The following COL9A1 variants were observed in gnomAD, a reference collection of about 807,000 sequenced individuals.
COL9A1 encodes collagen alpha-1(IX) chain.
COL9A1 carries 104 observed loss-of-function variants against 142.6 expected under a neutral mutation model. The ratio of observed to expected loss-of-function variants is 0.73; its 90% confidence interval spans 0.62 to 0.86. COL9A1 has a LOEUF of 0.86. Ranked by LOEUF, COL9A1 falls within the 40% of genes least tolerant of loss-of-function variation. The probability of loss-of-function intolerance (pLI) is 0.00; values close to 1 mark genes in which losing one functional copy is unlikely to be tolerated. For missense variants in COL9A1, 1,210 were observed against 1,176.6 expected, an observed-to-expected ratio of 1.03 and a Z score of -0.42; for synonymous variants, 466 against 396.0, an observed-to-expected ratio of 1.18 and a Z score of -2.10.
At position 70,263,240 on chromosome 6, in the gene COL9A1, T is replaced by A; in HGVS notation, c.1395+4A>T. On this transcript the variant is annotated splice_donor_region_variant and intron_variant, in intron 19 of 37. Transcript: ENST00000357250. ...AGTTAAATATTTTTTAAAAAATACT[T>A]TACTGGAGGTCCTTGAGCTCCAACT... is the stretch of plus-strand genomic sequence containing the variant. 6.3e-7 allele frequency: 1 copy of A among 1,599,460 alleles called. No individual in the cohort carries two copies.
chr6:70,267,427 A>G (rs1772098783), intron 17 of COL9A1, among the ~76,000 whole-genome samples: 1 of 149,108 alleles, frequency 6.7e-6, no homozygotes, highest in Non-Finnish European at 1.5e-5. Flanking sequence ...GGTTCAAGCA[A>G]TTCTCTTCTC....
intron 6 of COL9A1, chr6:70,283,338 GAGCACGC>G: frequency 9.4e-7 from 1 of 1,065,424 alleles, no homozygotes; most frequent in Non-Finnish European, 1.3e-6. Context: ...GGCGAGGACT[GAGCACGC>G]AGCTCTGCCT....
chr6:70,220,689 T>G (rs1463713483), intron 37 of COL9A1, among the ~76,000 whole-genome samples: 1 of 152,144 alleles, frequency 6.6e-6, no homozygotes, highest in Non-Finnish European at 1.5e-5. Context: ...ATGTCCACAG[T>G]CCACATCACT....
chr6:70,284,996 C>T (rs550308312), intron 5 of COL9A1, among the ~76,000 whole-genome samples: 20 of 152,316 alleles, frequency 1.3e-4, no homozygotes, highest in African/African-American at 3.1e-4. Context: ...AGAATGAAGT[C>T]TTTCCTTCCT....
At chr6:70,239,393 C>T (rs1434417234) in intron 32 of COL9A1, 107 bp from the exon 33 acceptor site, 11 of 798,116 alleles carry the variant, frequency 1.4e-5, no homozygotes, top group Non-Finnish European at 8.7e-6. Flanking sequence ...AAACCATGAA[C>T]AGATTAACTC....
At chr6:70,281,306 A>G (rs1773146345) in intron 8 of COL9A1, 84 bp downstream of exon 8, 18 of 1,403,004 alleles carry the variant, frequency 1.3e-5, no homozygotes, top group Non-Finnish European at 1.8e-5. Flanking sequence ...CTCTGAAAAA[A>G]AAAAAAACCC....
chr6:70,263,443 A>C, intron 18 of COL9A1, 146 bp from the exon 19 acceptor site: 1 of 613,134 alleles, frequency 1.6e-6, no homozygotes, highest in East Asian at 2.9e-5. Flanking sequence ...TTATATGGGT[A>C]GTCCAAATTA....
chr6:70,270,268 C>T, intron 15 of COL9A1, 46 bp downstream of exon 15: 1 of 1,580,600 alleles, frequency 6.3e-7, no homozygotes, highest in Non-Finnish European at 8.7e-7. Context: ...TTTTTTCAAC[C>T]CTGACTCTCA....
chr6:70,300,503 T>C (rs1193899514), intron 2 of COL9A1, 117 bp from the exon 3 acceptor site: 1 of 405,632 alleles, frequency 2.5e-6, no homozygotes, highest in African/African-American at 2.1e-5. Context: ...AAAATAGCAA[T>C]TGACCACAAA....
intron 10 of COL9A1, chr6:70,280,246 C>T: frequency 3.3e-6 from 4 of 1,219,566 alleles, no homozygotes; most frequent in East Asian, 2.9e-5. Flanking sequence ...CATGGAAAGA[C>T]GAAAATCTAG....
At chr6:70,246,979 C>T (rs1583250294) in intron 28 of COL9A1, among the ~76,000 whole-genome samples, 1 of 152,172 alleles carries the variant, frequency 6.6e-6, no homozygotes, top group Non-Finnish European at 1.5e-5. Flanking sequence ...AGTTAAAAGA[C>T]ATAAATCACT....
intron 20 of COL9A1, among the ~76,000 whole-genome samples, chr6:70,257,054 T>A (rs866862437): frequency 0.14 from 19,203 of 134,708 alleles, 1,500 homozygotes; most frequent in Non-Finnish European, 0.19. Flanking sequence ...TGTAATTTTT[T>A]TTTTTTTTTT....
intron 37 of COL9A1, 109 bp downstream of exon 37, chr6:70,225,823 A>T: frequency 1.2e-6 from 1 of 836,844 alleles, no homozygotes; most frequent in South Asian, 1.4e-5. Flanking sequence ...TGAATAATTA[A>T]TATGCTTAAG....
intron 37 of COL9A1, among the ~76,000 whole-genome samples, chr6:70,219,709 A>G (rs572716): frequency 0.76 from 115,192 of 152,160 alleles, 43,847 homozygotes; most frequent in African/African-American, 0.82. Context: ...AACAGCTGTC[A>G]TCGGGGAATA....
chr6:70,227,424 TAAAA>T (rs11407353), intron 36 of COL9A1, among the ~76,000 whole-genome samples: 15 of 50,046 alleles, frequency 3.0e-4, no homozygotes, highest in African/African-American at 1.5e-3. Flanking sequence ...ATGCAAATTG[TAAAA>T]AAAAAAAAAA....
At chr6:70,242,578 T>G in intron 29 of COL9A1, 84 bp downstream of exon 29, 1 of 1,162,424 alleles carries the variant, frequency 8.6e-7, no homozygotes, top group Non-Finnish European at 1.3e-6. Flanking sequence ...GGTAATTCAA[T>G]TGTAAATTGT....
chr6:70,240,057 A>C (rs1770147124), intron 32 of COL9A1, among the ~76,000 whole-genome samples: 2 of 152,158 alleles, frequency 1.3e-5, no homozygotes, highest in Admixed American at 1.3e-4. Flanking sequence ...CCCTACCCCA[A>C]AGGACCAAAA....
At chr6:70,281,246 G>T in intron 8 of COL9A1, 144 bp downstream of exon 8, 1 of 868,342 alleles carries the variant, frequency 1.2e-6, no homozygotes, top group Non-Finnish European at 1.8e-6. Context: ...TCTCGCCCAT[G>T]TCTGATCCTG....
intron 21 of COL9A1, 53 bp from the exon 22 acceptor site, chr6:70,255,443 C>G: frequency 2.6e-6 from 4 of 1,510,072 alleles, no homozygotes; most frequent in Non-Finnish European, 3.7e-6. Flanking sequence ...TATTAATCAA[C>G]TTTTAAAAAT....
Sources: allele counts gnomAD v4.1 joint callset (sites outside exome capture counted in the v4.1 genomes callset), GRCh38; gene constraint gnomAD v4.1.1; transcripts MANE v1.5; gene names NCBI Gene and HGNC (gene_info 2026-07-23, HGNC 2026-07-21).